The following GFRA1 variants were observed in gnomAD, a reference collection of about 807,000 sequenced individuals.
GFRA1 encodes GDNF family receptor alpha-1.
GFRA1 carries 16 observed loss-of-function variants against 51.6 expected under a neutral mutation model. The observed-to-expected ratio is 0.31, with a 90% CI of 0.21 to 0.47. GFRA1 has a LOEUF of 0.47. Ranked by LOEUF, GFRA1 falls within the 20% of genes least tolerant of loss-of-function variation. The pLI, the probability that GFRA1 is intolerant of heterozygous loss-of-function variation, is 1.00. For synonymous variants in GFRA1, 270 were observed against 241.3 expected (o/e 1.12, Z -1.10); for missense variants, 530 against 594.3 (o/e 0.89, Z 1.13).
intron 10 of GFRA1, 152 bp downstream of exon 10, chr10:116,065,421 C>T (rs2133767750): frequency 1.5e-6 from 1 of 679,546 alleles, no homozygotes; most frequent in Non-Finnish European, 2.6e-6. Flanking sequence ...CTTCACCTTG[C>T]TCAAAGGGCA....
intron 5 of GFRA1, among the ~76,000 whole-genome samples, chr10:116,146,318 T>A (rs1001767852): frequency 6.6e-6 from 1 of 152,254 alleles, no homozygotes; most frequent in Non-Finnish European, 1.5e-5. Context: ...TTTATAATTG[T>A]ATATGCTACA....
At chr10:116,250,817 T>C (rs985569638) in intron 4 of GFRA1, among the ~76,000 whole-genome samples, 2 of 152,196 alleles carry the variant, frequency 1.3e-5, no homozygotes, top group Admixed American at 1.3e-4. Flanking sequence ...CCTGGTCCCA[T>C]TGCTAGCCCC....
intron 6 of GFRA1, among the ~76,000 whole-genome samples, chr10:116,122,097 G>A (rs1372937597): frequency 6.6e-6 from 1 of 152,094 alleles, no homozygotes; most frequent in Non-Finnish European, 1.5e-5. Context: ...GGGAAGTCAC[G>A]GATTCACCTT....
chr10:116,205,673 A>C (rs1025372861), intron 5 of GFRA1, among the ~76,000 whole-genome samples: 2 of 151,386 alleles, frequency 1.3e-5, no homozygotes, highest in Non-Finnish European at 2.9e-5. Context: ...CGACTTCAAC[A>C]AAAAAATCTA....
At chr10:116,175,274 C>T (rs2134245492) in intron 5 of GFRA1, among the ~76,000 whole-genome samples, 1 of 152,240 alleles carries the variant, frequency 6.6e-6, no homozygotes, top group South Asian at 2.1e-4. Flanking sequence ...GAATGCTTTA[C>T]CCTCAACATG....
At chr10:116,124,027 C>T (rs1957750851) in intron 6 of GFRA1, among the ~76,000 whole-genome samples, 1 of 152,122 alleles carries the variant, frequency 6.6e-6, no homozygotes, top group Non-Finnish European at 1.5e-5. Flanking sequence ...GCCTCAGCCT[C>T]CTGAGTAGCT....
At chr10:116,232,050 C>T (rs17094393) in intron 4 of GFRA1, among the ~76,000 whole-genome samples, 3,069 of 152,250 alleles carry the variant, frequency 0.02, 113 homozygotes, top group African/African-American at 0.071. Flanking sequence ...TCTTCTTCTT[C>T]CTCAATGGCT....
intron 4 of GFRA1, among the ~76,000 whole-genome samples, chr10:116,241,610 CAG>C (rs1240369588): frequency 6.6e-6 from 1 of 152,168 alleles, no homozygotes. Context: ...TGGCAGGAAA[CAG>C]AGGTTCATCT....
At chr10:116,172,994 A>G (rs961405158) in intron 5 of GFRA1, among the ~76,000 whole-genome samples, 1 of 152,202 alleles carries the variant, frequency 6.6e-6, no homozygotes, top group Non-Finnish European at 1.5e-5. Context: ...ATGGGCTTCG[A>G]GCGGAGGTCT....
chr10:116,239,353 A>T (rs554746629), intron 4 of GFRA1, among the ~76,000 whole-genome samples: 105 of 152,338 alleles, frequency 6.9e-4, no homozygotes, highest in African/African-American at 2.4e-3. Flanking sequence ...CAGAAGTAAA[A>T]ATCTTTTTAA....
intron 4 of GFRA1, among the ~76,000 whole-genome samples, chr10:116,217,645 G>C (rs1403241724): frequency 6.6e-6 from 1 of 152,188 alleles, no homozygotes; most frequent in Non-Finnish European, 1.5e-5. Flanking sequence ...ATAAGCAATA[G>C]AAACAGGGTC....
chr10:116,111,209 A>AT (rs894134243), intron 6 of GFRA1, among the ~76,000 whole-genome samples: 3 of 152,158 alleles, frequency 2.0e-5, no homozygotes, highest in African/African-American at 7.2e-5. Context: ...TTTGCTTTGC[A>AT]TTTTCAGGTA....
intron 5 of GFRA1, among the ~76,000 whole-genome samples, chr10:116,167,630 G>A (rs1447813851): frequency 6.6e-6 from 1 of 151,260 alleles, no homozygotes; most frequent in Non-Finnish European, 1.5e-5. Flanking sequence ...ACAAGCCTAA[G>A]ACCAAAGCTC....
At chr10:116,156,547 C>T (rs1304567968) in intron 5 of GFRA1, among the ~76,000 whole-genome samples, 1 of 152,206 alleles carries the variant, frequency 6.6e-6, no homozygotes, top group African/African-American at 2.4e-5. Context: ...ACATGTTATC[C>T]ATCCCCACTC....
In GFRA1 at chr10:116,271,895, G is replaced by T. The variant is rs1268814473; in HGVS notation, c.40+95C>A. Reference sequence around the variant, plus strand: ...TTCCTTCCACATCCACCACACCCGCGCCCCAATTTTGGTGCGGAGGGCGGG... The same window carrying T: ...TTCCTTCCACATCCACCACACCCGCTCCCCAATTTTGGTGCGGAGGGCGGG... On this transcript the variant is annotated intron_variant, in intron 2 of 10. Coordinates refer to ENST00000355422, the MANE Select transcript of GFRA1 (RefSeq NM_005264.8). The T allele has an allele frequency of 1.5e-5, 14 of 936,720 alleles. No homozygotes were observed. In the Admixed American group the frequency reaches 2.4e-4, roughly 16 times the overall value. The allele number at this position is 936,720 out of a possible 1,614,324, so 58.0% of individuals were successfully genotyped here.
chr10:116,270,918 T>G lies in GFRA1; in HGVS notation c.238A>C (p.Lys80Gln), dbSNP rs1589929306. ...CGGCAGTTGTAGAGCGACTTCTGCTTCAGGGCCTCCATGGCGCTGCGGCAC... is the reference window on the plus strand; with the variant it reads ...CGGCAGTTGTAGAGCGACTTCTGCTGCAGGGCCTCCATGGCGCTGCGGCAC... ...DECRSAMEAL[K>Q]QKSLYNCRCK... Residue 80 changes from lysine to glutamine, a missense_variant, in exon 3 of 11, where the codon AAG becomes CAG. Physicochemically the swap from Lys to Gln is moderately conservative, Grantham distance 53. Coordinates refer to ENST00000355422, the MANE Select transcript of GFRA1 (RefSeq NM_005264.8). 3 of 1,614,160 alleles carry G rather than the reference T, an allele frequency of 1.9e-6. No individual in the cohort carries two copies. The highest frequency in any genetic ancestry group is 2.5e-6 in the Non-Finnish European group (3 of 1,180,032).
chr10:116,202,869 C>A (rs945642233), intron 5 of GFRA1, among the ~76,000 whole-genome samples: 1 of 152,140 alleles, frequency 6.6e-6, no homozygotes, highest in South Asian at 2.1e-4. Context: ...GGGCTAGCCC[C>A]CTTGATGGCA....
At chr10:116,225,565 AATG>A (rs946095830) in intron 4 of GFRA1, among the ~76,000 whole-genome samples, 2 of 143,246 alleles carry the variant, frequency 1.4e-5, no homozygotes, top group African/African-American at 5.1e-5. Context: ...AAAAAACTAA[AATG>A]ATATTTTGAA....
chr10:116,274,094 A>G (rs1056671198), upstream of GFRA1, among the ~76,000 whole-genome samples: 1 of 152,312 alleles, frequency 6.6e-6, no homozygotes, highest in East Asian at 1.9e-4. Flanking sequence ...AACAACAAAA[A>G]AAGCCTAACA....
Sources: gnomAD v4.1 joint callset for allele counts (sites outside exome capture counted in the v4.1 genomes callset) on GRCh38, gnomAD v4.1.1 for gene constraint, MANE v1.5 for transcripts, NCBI Gene and HGNC (gene_info 2026-07-23, HGNC 2026-07-21) for gene names.